Variants in ABTB3 observed in about 807,000 individuals in gnomAD.
The protein encoded by ABTB3 is ankyrin repeat- and BTB/POZ domain-containing protein 3.
At chr12:107,373,122 G>C in the ABTB3 span, among the ~76,000 whole-genome samples, 2 of 152,216 alleles carry the variant, frequency 1.3e-5, no homozygotes, top group Admixed American at 6.5e-5. Context: ...ACCTCTGGTT[G>C]AGAACTACTG....
the ABTB3 span, among the ~76,000 whole-genome samples, chr12:107,529,171 T>C: frequency 1.4e-5 from 2 of 140,644 alleles, no homozygotes; most frequent in African/African-American, 2.7e-5. Context: ...GTAGTGATGA[T>C]GGTGATGGTG....
At chr12:107,503,615 G>A in the ABTB3 span, among the ~76,000 whole-genome samples, 1 of 151,940 alleles carries the variant, frequency 6.6e-6, no homozygotes, top group African/African-American at 2.4e-5. Flanking sequence ...ACATTAGCCA[G>A]GTGTGGTGGT....
the ABTB3 span, among the ~76,000 whole-genome samples, chr12:107,506,873 TACAC>T: frequency 6.6e-6 from 1 of 152,220 alleles, no homozygotes; most frequent in African/African-American, 2.4e-5. Context: ...TCTGGAATCT[TACAC>T]AAGAAACTAA....
the ABTB3 span, among the ~76,000 whole-genome samples, chr12:107,506,125 T>C: frequency 6.6e-6 from 1 of 152,228 alleles, no homozygotes; most frequent in African/African-American, 2.4e-5. Context: ...TCCACAATGA[T>C]TGAACTAATT....
chr12:107,505,583 G>T, the ABTB3 span, among the ~76,000 whole-genome samples: 7 of 143,860 alleles, frequency 4.9e-5, no homozygotes, highest in African/African-American at 1.0e-4. Flanking sequence ...CAGATCAAAG[G>T]TTTTTTTTTT....
chr12:107,449,259 C>G, the ABTB3 span, among the ~76,000 whole-genome samples: 42 of 152,186 alleles, frequency 2.8e-4, no homozygotes, highest in African/African-American at 9.9e-4. Context: ...TGGGATGGCT[C>G]TTCTTCATGC....
chr12:107,637,786 TTGTGTG>T, the ABTB3 span, among the ~76,000 whole-genome samples: 4,341 of 144,704 alleles, frequency 0.03, 102 homozygotes, highest in African/African-American at 0.049. Flanking sequence ...AGCACTGATT[TTGTGTG>T]TGTGTGTGTG....
chr12:107,407,804 G>A, the ABTB3 span, among the ~76,000 whole-genome samples: 2 of 152,052 alleles, frequency 1.3e-5, no homozygotes, highest in Admixed American at 1.3e-4. Context: ...TGATGGCGGC[G>A]ACTCAGGGAG....
At chr12:107,624,001 A>G in the ABTB3 span, among the ~76,000 whole-genome samples, 3 of 152,188 alleles carry the variant, frequency 2.0e-5, no homozygotes, top group African/African-American at 7.2e-5. Context: ...GATCTAGGGC[A>G]AAAGCATTCC....
the ABTB3 span, among the ~76,000 whole-genome samples, chr12:107,553,508 A>G: frequency 6.6e-6 from 1 of 152,156 alleles, no homozygotes; most frequent in Non-Finnish European, 1.5e-5. Flanking sequence ...CAGAATATGC[A>G]CCACCGGGGG....
At chr12:107,499,997 T>C in the ABTB3 span, among the ~76,000 whole-genome samples, 1 of 152,136 alleles carries the variant, frequency 6.6e-6, no homozygotes. Context: ...CCAAACACTT[T>C]TAAACCATCA....
At chr12:107,457,643 TG>T in the ABTB3 span, among the ~76,000 whole-genome samples, 1 of 152,316 alleles carries the variant, frequency 6.6e-6, no homozygotes, top group East Asian at 1.9e-4. Flanking sequence ...AGAGTCCTTC[TG>T]GGCAGACAGC....
the ABTB3 span, among the ~76,000 whole-genome samples, chr12:107,461,171 G>A: frequency 1.3e-5 from 2 of 152,112 alleles, no homozygotes; most frequent in Admixed American, 6.6e-5. Context: ...TCACTACCAC[G>A]AGAACAGTAT....
At chr12:107,485,560 G>A in the ABTB3 span, among the ~76,000 whole-genome samples, 1 of 152,108 alleles carries the variant, frequency 6.6e-6, no homozygotes, top group Non-Finnish European at 1.5e-5. Flanking sequence ...GAAGGCTCAA[G>A]CAATGAAAAT....
At chr12:107,394,104 A>G in the ABTB3 span, among the ~76,000 whole-genome samples, 2 of 152,158 alleles carry the variant, frequency 1.3e-5, no homozygotes, top group Non-Finnish European at 2.9e-5. Context: ...GAATTTCCAC[A>G]TGGATGCTTC....
the ABTB3 span, among the ~76,000 whole-genome samples, chr12:107,608,603 C>G: frequency 6.6e-6 from 1 of 152,280 alleles, no homozygotes; most frequent in Non-Finnish European, 1.5e-5. Flanking sequence ...GGTGCAGTTG[C>G]TCATGCTTGT....
the ABTB3 span, among the ~76,000 whole-genome samples, chr12:107,590,119 G>A: frequency 1.3e-5 from 2 of 152,222 alleles, no homozygotes; most frequent in African/African-American, 4.8e-5. Flanking sequence ...TCGCCATGTT[G>A]GCCAGGCTGG....
chr12:107,411,311 A>C, the ABTB3 span, among the ~76,000 whole-genome samples: 1 of 152,232 alleles, frequency 6.6e-6, no homozygotes, highest in Non-Finnish European at 1.5e-5. Context: ...CCCTCCAAAA[A>C]AAATTTAATT....
At chr12:107,612,972 A>C in the ABTB3 span, 1 of 998,174 alleles carries the variant, frequency 1.0e-6, no homozygotes, top group Non-Finnish European at 1.5e-6. Flanking sequence ...CTGAGGGTGC[A>C]CAGTGCAACA....
Sources: gnomAD v4.1 joint callset for allele counts (sites outside exome capture counted in the v4.1 genomes callset) on GRCh38, gnomAD v4.1.1 for gene constraint, MANE v1.5 for transcripts, NCBI Gene and HGNC (gene_info 2026-07-23, HGNC 2026-07-21) for gene names.